Variants in PVT1 observed in about 807,000 individuals in gnomAD.
The protein encoded by PVT1 is Pvt1 oncogene, also known as CXCR4/PVT1 fusion.
chr8:128,015,875 C>G (rs1248445703), intron 4 of PVT1, among the ~76,000 whole-genome samples: 1 of 150,282 alleles, frequency 6.7e-6, no homozygotes, highest in Non-Finnish European at 1.5e-5. Context: ...TGTTGTTGTT[C>G]TGCCATCCCT....
At chr8:128,094,371 A>G (rs1004682463) in intron 5 of PVT1, among the ~76,000 whole-genome samples, 2 of 152,242 alleles carry the variant, frequency 1.3e-5, no homozygotes, top group African/African-American at 4.8e-5. Flanking sequence ...CATGAAAATT[A>G]TAGGAAATTC....
chr8:127,900,197 A>G (rs769605294), intron 3 of PVT1, among the ~76,000 whole-genome samples: 1 of 151,788 alleles, frequency 6.6e-6, no homozygotes, highest in Non-Finnish European at 1.5e-5. Flanking sequence ...GCGTACCACC[A>G]CACCTGGCTA....
intron 3 of PVT1, among the ~76,000 whole-genome samples, chr8:127,963,036 C>CG (rs992212279): frequency 2.0e-5 from 3 of 152,174 alleles, no homozygotes; most frequent in African/African-American, 7.2e-5. Flanking sequence ...CTCTGGCCTG[C>CG]GGGATTGAGA....
chr8:128,040,927 CTTGT>C (rs1813524086), intron 4 of PVT1, among the ~76,000 whole-genome samples: 1 of 141,752 alleles, frequency 7.1e-6, no homozygotes, highest in South Asian at 2.3e-4. Flanking sequence ...TGTGTGTGTG[CTTGT>C]ATATGTGTGT....
chr8:128,074,543 G>A (rs868784370), intron 5 of PVT1, among the ~76,000 whole-genome samples: 6 of 150,690 alleles, frequency 4.0e-5, no homozygotes, highest in African/African-American at 1.5e-4. Flanking sequence ...AAAAGGGGGG[G>A]GCTCCTTCCC....
At chr8:127,849,886 A>ATT (rs1263603205) in intron 2 of PVT1, among the ~76,000 whole-genome samples, 6 of 140,904 alleles carry the variant, frequency 4.3e-5, no homozygotes, top group Non-Finnish European at 6.2e-5. Flanking sequence ...GTGGGTGCAC[A>ATT]GCCTGTACAT....
intron 2 of PVT1, among the ~76,000 whole-genome samples, chr8:127,801,883 T>G (rs1320239608): frequency 1.4e-5 from 2 of 138,742 alleles, no homozygotes; most frequent in Non-Finnish European, 3.1e-5. Flanking sequence ...AAGAGTAAGA[T>G]ATCTCATTAT....
chr8:127,814,342 A>G (rs1814635520), intron 2 of PVT1, among the ~76,000 whole-genome samples: 1 of 152,084 alleles, frequency 6.6e-6, no homozygotes, highest in African/African-American at 2.4e-5. Flanking sequence ...TCAGCCGGGG[A>G]GGGTTTCTGT....
chr8:127,863,538 C>A (rs1007079016), intron 2 of PVT1, among the ~76,000 whole-genome samples: 1 of 152,224 alleles, frequency 6.6e-6, no homozygotes, highest in Non-Finnish European at 1.5e-5. Context: ...CTTCTGGGAG[C>A]CCCACCTTAA....
chr8:127,953,739 A>G (rs1288572655), intron 3 of PVT1, among the ~76,000 whole-genome samples: 1 of 152,148 alleles, frequency 6.6e-6, no homozygotes, highest in Admixed American at 6.5e-5. Context: ...TACTCCAAGA[A>G]ATCTGTTGTG....
intron 4 of PVT1, among the ~76,000 whole-genome samples, chr8:128,033,673 G>A (rs1266515893): frequency 2.0e-5 from 3 of 152,176 alleles, no homozygotes; most frequent in Non-Finnish European, 2.9e-5. Flanking sequence ...CCAGTTCAGC[G>A]AAATCTCCAG....
At chr8:128,037,576 A>AT (rs1209546121) in intron 4 of PVT1, among the ~76,000 whole-genome samples, 2 of 152,140 alleles carry the variant, frequency 1.3e-5, no homozygotes, top group Admixed American at 6.5e-5. Flanking sequence ...ATCTCAATGC[A>AT]TTTTTTAGCA....
At chr8:127,985,103 G>A (rs1323549272) in intron 3 of PVT1, among the ~76,000 whole-genome samples, 1 of 147,296 alleles carries the variant, frequency 6.8e-6, no homozygotes, top group Non-Finnish European at 1.5e-5. Context: ...GCGTGATCTC[G>A]GCTCACTGTA....
chr8:127,959,039 G>A (rs1237181287), intron 3 of PVT1, among the ~76,000 whole-genome samples: 1 of 151,868 alleles, frequency 6.6e-6, no homozygotes, highest in African/African-American at 2.4e-5. Flanking sequence ...GCCCCTTAGC[G>A]GGGTGGGGTG....
chr8:127,797,388 A>G (rs912068643), intron 2 of PVT1, among the ~76,000 whole-genome samples: 1 of 152,112 alleles, frequency 6.6e-6, no homozygotes, highest in Non-Finnish European at 1.5e-5. Context: ...GATCAGGACC[A>G]CACCCCCCAC....
intron 3 of PVT1, among the ~76,000 whole-genome samples, chr8:127,930,614 A>T (rs1482561623): frequency 6.6e-6 from 1 of 152,018 alleles, no homozygotes; most frequent in Non-Finnish European, 1.5e-5. Context: ...ATCTCCATCT[A>T]TGAGTTGTTG....
At chr8:128,033,893 G>A (rs768754110) in intron 4 of PVT1, among the ~76,000 whole-genome samples, 15 of 152,110 alleles carry the variant, frequency 9.9e-5, no homozygotes, top group Non-Finnish European at 2.1e-4. Flanking sequence ...TTGCCTGCCT[G>A]AGGCCCCTCT....
intron 2 of PVT1, among the ~76,000 whole-genome samples, chr8:127,865,864 A>G (rs192815777): frequency 3.3e-5 from 5 of 152,276 alleles, no homozygotes; most frequent in African/African-American, 1.2e-4. Flanking sequence ...TCCAAGGGAA[A>G]TGTCCTTTGA....
chr8:127,992,658 C>A (rs1461680504), intron 4 of PVT1, among the ~76,000 whole-genome samples: 1 of 152,224 alleles, frequency 6.6e-6, no homozygotes, highest in African/African-American at 2.4e-5. Context: ...CTCCTTCCAG[C>A]TCCTGACCTG....
Sources: gnomAD v4.1 joint callset for allele counts (sites outside exome capture counted in the v4.1 genomes callset) on GRCh38, gnomAD v4.1.1 for gene constraint, MANE v1.5 for transcripts, NCBI Gene and HGNC (gene_info 2026-07-23, HGNC 2026-07-21) for gene names.